The following DNAH9 variants were observed in gnomAD, a reference collection of about 807,000 sequenced individuals.
The protein encoded by DNAH9 is DNAH9 variant protein.
DNAH9 carries 345 observed loss-of-function variants against 471.6 expected under a neutral mutation model. The ratio of observed to expected loss-of-function variants is 0.73; its 90% CI spans 0.67 to 0.80. DNAH9 has a LOEUF of 0.80. DNAH9 is among the 30% of genes least tolerant of loss of function. The pLI is 0.00. For synonymous variants in DNAH9, 2,093 were observed against 2,123.6 expected (o/e 0.99, Z 0.40); for missense variants, 5,407 against 5,609.2 (o/e 0.96, Z 1.15).
Position 11,880,074 on chromosome 17 carries a change from C to G in DNAH9, c.10479-4C>G. ...TACTCCCGGACTCATACTTGTTTCC[C>G]TAGCTACCTTCAAATCATAGAGCAG... On this transcript the variant is annotated splice_polypyrimidine_tract_variant and splice_region_variant and intron_variant, in intron 53 of 68. Coordinates refer to ENST00000262442, the MANE Select transcript of DNAH9 (RefSeq NM_001372.4). 6.2e-7 allele frequency: 1 copy of G among 1,613,750 alleles called. No individual in the cohort carries two copies. The highest frequency in any genetic ancestry group is 8.5e-7 in the Non-Finnish European group (1 of 1,179,792).
At chr17:11,666,165 G>A (rs1445063359) in intron 15 of DNAH9, among the ~76,000 whole-genome samples, 4 of 152,170 alleles carry the variant, frequency 2.6e-5, no homozygotes, top group South Asian at 4.1e-4. Context: ...TGGCTCTTAC[G>A]GACCAGCACT....
intron 46 of DNAH9, 39 bp from the exon 47 acceptor site, chr17:11,822,399 G>T: frequency 6.2e-7 from 1 of 1,611,718 alleles, no homozygotes; most frequent in Non-Finnish European, 8.5e-7. Flanking sequence ...GTATTTCTCT[G>T]ATGCCTTCCT....
intron 3 of DNAH9, 45 bp downstream of exon 3, chr17:11,610,599 T>G: frequency 6.3e-7 from 1 of 1,589,948 alleles, no homozygotes; most frequent in Non-Finnish European, 8.6e-7. Context: ...GAAGATGTCT[T>G]ACAGAGACTA....
chr17:11,653,606 TA>T (rs1188492303), intron 14 of DNAH9, among the ~76,000 whole-genome samples: 2 of 152,210 alleles, frequency 1.3e-5, no homozygotes, highest in African/African-American at 4.8e-5. Context: ...CAAGTAGCTA[TA>T]GGGCCATGTC....
chr17:11,942,389 C>T lies in DNAH9; in HGVS notation c.12747C>T (p.Thr4249=). 1 of 1,614,146 alleles carries T rather than the reference C, an allele frequency of 6.2e-7. No homozygotes were observed. ...PELMAKVEER[T]PYIVVAFQEC... is the part of the protein sequence containing the mutation. ...TGATGGCCAAAGTGGAGGAGCGCAC[C>T]CCTTACATTGTAGTTGCCTTCCAGG... Residue 4249 remains threonine, a synonymous_variant, in exon 67 of 69, where the codon ACC becomes ACT. Transcript: ENST00000262442.
At chr17:11,964,404 T>G (rs939967877) in intron 68 of DNAH9, among the ~76,000 whole-genome samples, 1 of 152,170 alleles carries the variant, frequency 6.6e-6, no homozygotes, top group Admixed American at 6.5e-5. Flanking sequence ...CAGTTTCAAT[T>G]GTCAACCTCC....
intron 17 of DNAH9, among the ~76,000 whole-genome samples, chr17:11,671,830 G>T (rs2073977643): frequency 6.6e-6 from 1 of 152,166 alleles, no homozygotes. Context: ...ATCTAATGGG[G>T]TTGGTTTAAC....
At chr17:11,816,344 A>G (rs1970093768) in intron 45 of DNAH9, among the ~76,000 whole-genome samples, 1 of 152,220 alleles carries the variant, frequency 6.6e-6, no homozygotes, top group African/African-American at 2.4e-5. Flanking sequence ...CTTGTTTTTC[A>G]TCGTTTATAC....
rs1214823581 is a variant in DNAH9, at chr17:11,608,325, T to A, written c.614T>A (p.Val205Asp). 1.3e-6 allele frequency: 2 copies of A among 1,597,870 alleles called. No individual in the cohort carries two copies. Among genetic ancestry groups the A allele is most frequent in the Non-Finnish European group, 1.7e-6 (2 of 1,171,842 alleles). The change falls in exon 2 of 69, where the codon GTC (valine) becomes GAC (aspartate). Residue 205 changes from valine (V) to aspartate (D), a missense_variant and splice_region_variant. Transcript: ENST00000262442. ...TTTGCGGATTCCAAAAGTGAGACAG[T>A]GTAAGTACCGCCAGCCTGGCCATAT... ...MEFADSKSETVLDSIDKSVIY... is the reference protein window; with the variant it reads ...MEFADSKSETDLDSIDKSVIY...
chr17:11,848,545 A>G (rs1971301379), intron 49 of DNAH9, among the ~76,000 whole-genome samples: 1 of 151,776 alleles, frequency 6.6e-6, no homozygotes, highest in African/African-American at 2.4e-5. Flanking sequence ...ATAATTATTG[A>G]ATAAATCAAA....
chr17:11,698,158 A>ATAT (rs1223281496), intron 22 of DNAH9, among the ~76,000 whole-genome samples: 1 of 18,366 alleles, frequency 5.4e-5, no homozygotes, highest in Non-Finnish European at 1.1e-4. Flanking sequence ...TATATTATTA[A>ATAT]TATATTATTA....
intron 56 of DNAH9, among the ~76,000 whole-genome samples, chr17:11,886,239 G>A (rs1180469081): frequency 7.2e-5 from 11 of 152,106 alleles, no homozygotes; most frequent in Non-Finnish European, 1.5e-5. Context: ...CAGGAGAATC[G>A]CTTGAACCCA....
chr17:11,946,300 T>A (rs539511936), intron 67 of DNAH9, among the ~76,000 whole-genome samples: 2 of 151,450 alleles, frequency 1.3e-5, no homozygotes, highest in South Asian at 4.2e-4. Flanking sequence ...AGATTTTGTC[T>A]ATCAGGAGGG....
intron 19 of DNAH9, among the ~76,000 whole-genome samples, chr17:11,685,789 T>C (rs2074232482): frequency 1.3e-5 from 2 of 150,404 alleles, no homozygotes; most frequent in Admixed American, 6.7e-5. Flanking sequence ...AAAGTCAGGG[T>C]TGGATACATT....
At chr17:11,684,736 T>G (rs369128133) in intron 19 of DNAH9, among the ~76,000 whole-genome samples, 1 of 152,196 alleles carries the variant, frequency 6.6e-6, no homozygotes, top group African/African-American at 2.4e-5. Context: ...AGGGCTTTCT[T>G]GAAGATATCT....
In DNAH9 at chr17:11,669,197, C is replaced by G. The variant is rs746409611; in HGVS notation, c.2865C>G (p.Ser955Arg). 1 of 1,614,012 alleles carries G rather than the reference C, an allele frequency of 6.2e-7. No individual in the cohort carries two copies. Among genetic ancestry groups the G allele is most frequent in the Non-Finnish European group, 8.5e-7 (1 of 1,179,908 alleles). Residue 955 changes from serine to arginine, a missense_variant, in exon 16 of 69, where the codon AGC (serine) becomes AGG (arginine). This residue lies in a region of DNAH9 where 4,636 missense variants were observed against 4,900.3 expected (regional missense o/e 0.95). Coordinates refer to ENST00000262442, the MANE Select transcript of DNAH9 (RefSeq NM_001372.4). ...ACATTGTTGAGGGTCTCATCACCAG[C>G]ATTTTTAGGATACCATCTCTGGTGC... ...FCDIVEGLITSIFRIPSLVPR... is the reference protein window; with the variant it reads ...FCDIVEGLITRIFRIPSLVPR...
At chr17:11,866,431 G>A (rs1441562131) in intron 50 of DNAH9, among the ~76,000 whole-genome samples, 1 of 152,002 alleles carries the variant, frequency 6.6e-6, no homozygotes, top group East Asian at 1.9e-4. Flanking sequence ...GCCCCTACTG[G>A]GGGGTGCCTC....
Position 11,603,364 on chromosome 17 carries a change from C to T in DNAH9, c.417+4449C>T, listed in dbSNP as rs115093549. 6.6e-3 allele frequency among the ~76,000 whole-genome samples: 1,010 copies of T among 152,272 alleles called. 10 individuals are homozygous for T. Among genetic ancestry groups the T allele is most frequent in the African/African-American group, 0.023 (970 of 41,558 alleles). On this transcript the variant is annotated intron_variant, in intron 1 of 68. Transcript: ENST00000262442. The stretch of plus-strand genomic sequence containing the variant: ...CTCCTGTTAACCTCACTCTGAGACG[C>T]TCTTGCTTCTTTCTTGGTTTTTTAA...
intron 12 of DNAH9, among the ~76,000 whole-genome samples, chr17:11,648,867 T>C (rs186721818): frequency 1.4e-3 from 208 of 152,194 alleles, no homozygotes; most frequent in African/African-American, 4.6e-3. Context: ...GGCTCACACC[T>C]ATAATCCCAG....
Sources: allele counts gnomAD v4.1 joint callset (sites outside exome capture counted in the v4.1 genomes callset), GRCh38; gene constraint gnomAD v4.1.1; regional missense constraint gnomAD v4.1.1; transcripts MANE v1.5; gene names NCBI Gene and HGNC (gene_info 2026-07-23, HGNC 2026-07-21).